The following AFG3L2 variants were observed in gnomAD, a reference collection of about 807,000 sequenced individuals.
The protein encoded by AFG3L2 is AFG3 like matrix AAA peptidase subunit 2, also known as mitochondrial inner membrane m-AAA protease component AFG3L2.
AFG3L2 carries 54 observed loss-of-function variants against 94.5 expected under a neutral mutation model. The observed-to-expected ratio is 0.57, with a 90% CI of 0.46 to 0.72. The LOEUF is 0.72. Among genes scored for constraint, AFG3L2 ranks in the 30% least tolerant of loss-of-function variants. The pLI, the probability that AFG3L2 is intolerant of heterozygous loss-of-function variation, is 0.00. For synonymous variants in AFG3L2, 377 were observed against 365.5 expected, an observed-to-expected ratio of 1.03 and a Z score of -0.36; for missense variants, 754 against 994.9, an observed-to-expected ratio of 0.76 and a Z score of 3.26.
At chr18:12,330,766 G>A (rs1251534903) in intron 16 of AFG3L2, among the ~76,000 whole-genome samples, 2 of 151,194 alleles carry the variant, frequency 1.3e-5, no homozygotes, top group South Asian at 2.1e-4. Flanking sequence ...GGGCAACAGA[G>A]CAAGACTCGG....
intron 15 of AFG3L2, 79 bp downstream of exon 15, chr18:12,340,122 T>G (rs1907899687): frequency 1.5e-6 from 2 of 1,306,112 alleles, no homozygotes; most frequent in Non-Finnish European, 2.2e-6. Flanking sequence ...CTATATTGTT[T>G]CAGAGCCATT....
intron 12 of AFG3L2, among the ~76,000 whole-genome samples, chr18:12,349,920 C>A (rs1598828616): frequency 1.3e-5 from 2 of 151,696 alleles, no homozygotes; most frequent in African/African-American, 4.8e-5. Flanking sequence ...CCTTGGTATC[C>A]CAAAGTGCTG....
intron 10 of AFG3L2, among the ~76,000 whole-genome samples, chr18:12,351,880 A>G (rs984656485): frequency 6.6e-6 from 1 of 152,068 alleles, no homozygotes; most frequent in African/African-American, 2.4e-5. Flanking sequence ...AACTTGAATT[A>G]TTTTTTTACT....
chr18:12,345,261 C>T (rs984248308), intron 13 of AFG3L2, among the ~76,000 whole-genome samples: 1 of 152,368 alleles, frequency 6.6e-6, no homozygotes, highest in East Asian at 1.9e-4. Context: ...CAGTGCTGAC[C>T]GGACTCTAGT....
rs758470020 is a variant in AFG3L2 at position 12,376,957 on chromosome 18, G to A, written c.114+12C>T. ...CAGGGTGGAGGGCGCCGGGCGCCCAGGTAGGACTCACCGTCCGGAGGCAGG... is the reference window on the plus strand; with the variant it reads ...CAGGGTGGAGGGCGCCGGGCGCCCAAGTAGGACTCACCGTCCGGAGGCAGG... On this transcript the variant is annotated intron_variant, in intron 1 of 16. Transcript: ENST00000269143. 285 of 1,449,450 alleles carry A rather than the reference G, an allele frequency of 2.0e-4. 2 individuals are homozygous for A. In the African/African-American group the frequency reaches 3.7e-3, roughly 19 times the overall value. The allele number at this position is 1,449,450 out of a possible 1,614,324, so 89.8% of individuals were successfully genotyped here.
intron 3 of AFG3L2, among the ~76,000 whole-genome samples, chr18:12,369,996 A>G (rs1477003971): frequency 2.1e-5 from 3 of 142,950 alleles, no homozygotes; most frequent in Non-Finnish European, 4.5e-5. Context: ...CGGAGCTTGC[A>G]GTGAGCCAAG....
intron 12 of AFG3L2, among the ~76,000 whole-genome samples, chr18:12,349,304 T>A (rs1908239067): frequency 6.6e-6 from 1 of 152,070 alleles, no homozygotes. Context: ...CCCTCACAGG[T>A]TACTGGTGGG....
At chr18:12,337,242 G>A in intron 16 of AFG3L2, 99 bp downstream of exon 16, 1 of 1,051,660 alleles carries the variant, frequency 9.5e-7, no homozygotes, top group Admixed American at 1.7e-5. Context: ...CCAGAGAGAG[G>A]GAATTCTGCA....
At chr18:12,375,671 G>A (rs527522104) in intron 1 of AFG3L2, among the ~76,000 whole-genome samples, 17 of 152,234 alleles carry the variant, frequency 1.1e-4, no homozygotes, top group Admixed American at 8.5e-4. Context: ...TCAGTCTCCC[G>A]AGCAGCTGGG....
At chr18:12,362,645 T>C (rs891035457) in intron 6 of AFG3L2, among the ~76,000 whole-genome samples, 4 of 146,662 alleles carry the variant, frequency 2.7e-5, no homozygotes, top group Admixed American at 1.3e-4. Context: ...AAATCACCCG[T>C]AGGGACGGCA....
chr18:12,353,965 G>A (rs79838661), intron 9 of AFG3L2, among the ~76,000 whole-genome samples: 3,209 of 152,078 alleles, frequency 0.021, 115 homozygotes, highest in African/African-American at 0.074. Context: ...CCAAAGAGGG[G>A]GTGACAGCCT....
At chr18:12,356,440 C>A (rs927319117) in intron 9 of AFG3L2, among the ~76,000 whole-genome samples, 3 of 152,236 alleles carry the variant, frequency 2.0e-5, no homozygotes, top group Admixed American at 6.5e-5. Context: ...GCATGAGCCA[C>A]CGCGCCCAGC....
intron 9 of AFG3L2, 60 bp from the exon 10 acceptor site, chr18:12,353,218 G>T: frequency 6.2e-7 from 1 of 1,600,988 alleles, no homozygotes; most frequent in Admixed American, 1.7e-5. Flanking sequence ...CTCTGAATAA[G>T]AAATGAAATA....
chr18:12,370,885 C>T lies in AFG3L2; in HGVS notation c.256G>A (p.Ala86Thr), dbSNP rs761076185. The T allele has an allele frequency of 2.5e-6, 4 of 1,586,938 alleles. No homozygotes were observed. The highest frequency in any genetic ancestry group is 1.7e-5 in the Admixed American group (1 of 59,064). ...YFPNGKNGKK[A>T]SEPKEVMGEK... ...CCCATAACTTCTTTAGGTTCACTAG[C>T]TTTTTTTCCATTTTTTCCATTAGGA... is the stretch of plus-strand genomic sequence containing the variant. The change falls in exon 3 of 17, where the codon GCT becomes ACT. Residue 86 changes from alanine to threonine, a missense_variant. By Grantham distance (58) the Ala-to-Thr change is moderately conservative (BLOSUM62 0). This residue lies in a region of AFG3L2 where 236 missense variants were observed against 214.0 expected (regional missense o/e 1.10). Transcript: ENST00000269143.
chr18:12,348,652 A>C (rs116536789), intron 12 of AFG3L2, among the ~76,000 whole-genome samples: 8 of 152,360 alleles, frequency 5.3e-5, no homozygotes, highest in African/African-American at 1.7e-4. Flanking sequence ...CTTAATAGAC[A>C]ATATAGCTCA....
chr18:12,334,513 G>C (rs570469271), intron 16 of AFG3L2, among the ~76,000 whole-genome samples: 3 of 152,248 alleles, frequency 2.0e-5, no homozygotes, highest in Non-Finnish European at 4.4e-5. Context: ...TTGCAAATGC[G>C]CCTTGCTCAA....
At chr18:12,343,863 C>T (rs1485203228) in intron 14 of AFG3L2, 5 of 525,712 alleles carry the variant, frequency 9.5e-6, no homozygotes, top group African/African-American at 1.9e-5. Context: ...CCAGTTCAAA[C>T]CCACTGCAAC....
chr18:12,332,542 G>A (rs1907567681), intron 16 of AFG3L2, among the ~76,000 whole-genome samples: 1 of 151,644 alleles, frequency 6.6e-6, no homozygotes, highest in Non-Finnish European at 1.5e-5. Context: ...GCTTCAAATA[G>A]GTACAAAAGT....
intron 15 of AFG3L2, among the ~76,000 whole-genome samples, chr18:12,339,284 G>T (rs570680374): frequency 8.0e-4 from 118 of 147,192 alleles, no homozygotes; most frequent in African/African-American, 2.7e-3. Flanking sequence ...CAAGCACAGC[G>T]GCTCATGCCT....
Sources: allele counts gnomAD v4.1 joint callset (sites outside exome capture counted in the v4.1 genomes callset), GRCh38; gene constraint gnomAD v4.1.1; regional missense constraint gnomAD v4.1.1; transcripts MANE v1.5; gene names NCBI Gene and HGNC (gene_info 2026-07-23, HGNC 2026-07-21).